Variants in ZNF131 observed in about 807,000 individuals in gnomAD.
ZNF131 encodes zinc finger protein 131.
Under a neutral mutation model 60.0 loss-of-function variants are expected in ZNF131, and 7 were observed. That is an observed-to-expected ratio of 0.12 (90% CI 0.07 to 0.22). The LOEUF (loss-of-function observed/expected upper bound fraction) is 0.22, where lower values mean the gene tolerates loss of function less well. ZNF131 is among the 10% of genes least tolerant of loss of function. ZNF131 has a pLI of 1.00. For synonymous variants in ZNF131, 257 were observed against 253.2 expected (o/e 1.01, Z -0.14); for missense variants, 493 against 740.9 (o/e 0.67, Z 3.88).
chr5:43,155,243 G>A (rs1190799655), intron 4 of ZNF131, among the ~76,000 whole-genome samples: 1 of 152,180 alleles, frequency 6.6e-6, no homozygotes, highest in Non-Finnish European at 1.5e-5. Flanking sequence ...GTGACACTTG[G>A]TGGGCATTTC....
intron 4 of ZNF131, chr5:43,143,329 T>G (rs1015273106): frequency 2.4e-6 from 3 of 1,273,604 alleles, no homozygotes; most frequent in Non-Finnish European, 3.0e-6. Context: ...CCTCAAGCTT[T>G]TATTTAAGTG....
chr5:43,175,280 C>T lies in ZNF131; in HGVS notation c.*147C>T, dbSNP rs1052577703. On this transcript the variant is annotated 3_prime_UTR_variant, in exon 7 of 7. Coordinates refer to ENST00000682664, the MANE Select transcript of ZNF131 (RefSeq NM_001330707.2). Reference sequence around the variant, plus strand: ...TGCTGAACTGTTGTCCGTTGAAACACATTGATTCCCCTCCCCCTACTTATT... The same window carrying T: ...TGCTGAACTGTTGTCCGTTGAAACATATTGATTCCCCTCCCCCTACTTATT... 1 of 792,846 alleles carries T rather than the reference C, an allele frequency of 1.3e-6. No homozygotes were observed. Among genetic ancestry groups the T allele is most frequent in the African/African-American group, 1.7e-5 (1 of 57,348 alleles). The allele number at this position is 792,846 out of a possible 1,614,324, so 49.1% of individuals were successfully genotyped here. A position where few individuals can be genotyped will look rare whatever the true frequency, so the allele number is the denominator to read the frequency against.
At chr5:43,138,932 CTT>C (rs1746469112) in intron 3 of ZNF131, among the ~76,000 whole-genome samples, 1 of 152,150 alleles carries the variant, frequency 6.6e-6, no homozygotes, top group South Asian at 2.1e-4. Flanking sequence ...GTGATAGAAT[CTT>C]ACTGTTCTCC....
At chr5:43,133,131 A>G (rs1745579189) in intron 3 of ZNF131, among the ~76,000 whole-genome samples, 1 of 152,204 alleles carries the variant, frequency 6.6e-6, no homozygotes, top group African/African-American at 2.4e-5. Flanking sequence ...AATTTTAAAC[A>G]CAAAACCGTC....
At chr5:43,151,169 C>G (rs1195624238) in intron 4 of ZNF131, among the ~76,000 whole-genome samples, 3 of 152,164 alleles carry the variant, frequency 2.0e-5, no homozygotes, top group Admixed American at 6.5e-5. Context: ...CCTTCCAGAG[C>G]CCAAGTGATA....
intron 3 of ZNF131, among the ~76,000 whole-genome samples, chr5:43,135,432 G>A (rs1175290994): frequency 6.6e-6 from 1 of 151,972 alleles, no homozygotes; most frequent in Admixed American, 6.6e-5. Context: ...TGAGAGACAT[G>A]CAATACTGAG....
At chr5:43,159,352 CTTTT>C (rs1436365554) in intron 4 of ZNF131, among the ~76,000 whole-genome samples, 3 of 152,074 alleles carry the variant, frequency 2.0e-5, no homozygotes, top group Non-Finnish European at 2.9e-5. Context: ...CAGGTGTCGT[CTTTT>C]ACTGAGTTTA....
At chr5:43,128,784 C>T (rs1400809011) in intron 3 of ZNF131, among the ~76,000 whole-genome samples, 1 of 150,516 alleles carries the variant, frequency 6.6e-6, no homozygotes, top group African/African-American at 2.4e-5. Flanking sequence ...CAGGGTCTTG[C>T]TCTGTCACCC....
At chr5:43,140,698 A>C (rs937201314) in intron 4 of ZNF131, among the ~76,000 whole-genome samples, 1 of 152,144 alleles carries the variant, frequency 6.6e-6, no homozygotes, top group African/African-American at 2.4e-5. Flanking sequence ...TATTTCTCTG[A>C]GGACTCTACT....
At chr5:43,137,089 A>G (rs370578046) in intron 3 of ZNF131, among the ~76,000 whole-genome samples, 4 of 152,210 alleles carry the variant, frequency 2.6e-5, no homozygotes, top group Admixed American at 6.5e-5. Context: ...CTTAGACATA[A>G]GACCAAAAAA....
At chr5:43,142,470 ATTT>A (rs1341647050) in intron 4 of ZNF131, among the ~76,000 whole-genome samples, 1 of 150,378 alleles carries the variant, frequency 6.6e-6, no homozygotes, top group African/African-American at 2.4e-5. Flanking sequence ...CACCCGGCTA[ATTT>A]TTTTGTATTT....
intron 5 of ZNF131, among the ~76,000 whole-genome samples, chr5:43,166,623 G>C (rs1404005531): frequency 6.6e-6 from 1 of 151,246 alleles, no homozygotes. Context: ...GCCTCCCAAA[G>C]TGCTGGATTA....
intron 4 of ZNF131, among the ~76,000 whole-genome samples, chr5:43,149,671 T>C (rs987728979): frequency 5.3e-5 from 8 of 152,238 alleles, no homozygotes; most frequent in African/African-American, 1.7e-4. Flanking sequence ...CTATGAATGC[T>C]CCAGTTTTTC....
intron 4 of ZNF131, among the ~76,000 whole-genome samples, chr5:43,158,249 T>A (rs1475357131): frequency 2.6e-5 from 4 of 151,946 alleles, no homozygotes; most frequent in Non-Finnish European, 5.9e-5. Context: ...ATTACAGGCG[T>A]GAGCCACTGC....
At chr5:43,158,847 C>CT (rs35631723) in intron 4 of ZNF131, among the ~76,000 whole-genome samples, 40,808 of 146,122 alleles carry the variant, frequency 0.28, 6,023 homozygotes, top group East Asian at 0.6. Context: ...TCCAGAAAGC[C>CT]TTTTTTTTTT....
chr5:43,173,105 A>C, intron 5 of ZNF131: 1 of 360,776 alleles, frequency 2.8e-6, no homozygotes. Context: ...TCTTTGTCAA[A>C]GCATATATAC....
At chr5:43,166,748 C>T (rs564046989) in intron 5 of ZNF131, among the ~76,000 whole-genome samples, 6 of 151,794 alleles carry the variant, frequency 4.0e-5, no homozygotes, top group East Asian at 3.9e-4. Context: ...CTCTGCCTCC[C>T]GGGTTCAAGC....
intron 4 of ZNF131, among the ~76,000 whole-genome samples, chr5:43,144,341 G>T: frequency 7.6e-6 from 1 of 131,588 alleles, no homozygotes; most frequent in East Asian, 2.4e-4. Context: ...TGATTCTCCT[G>T]CCTCAGCCTC....
chr5:43,159,695 C>CA (rs35599400), intron 4 of ZNF131, among the ~76,000 whole-genome samples: 23,162 of 93,036 alleles, frequency 0.25, 2,505 homozygotes, highest in Middle Eastern at 0.41. Flanking sequence ...TACTCTGTCT[C>CA]AAAAAAAAAA....
Sources: gnomAD v4.1 joint callset for allele counts (sites outside exome capture counted in the v4.1 genomes callset) on GRCh38, gnomAD v4.1.1 for gene constraint, MANE v1.5 for transcripts, NCBI Gene and HGNC (gene_info 2026-07-23, HGNC 2026-07-21) for gene names.